The following PIK3R3 variants were observed in gnomAD, a reference collection of about 807,000 sequenced individuals.
PIK3R3 encodes the protein phosphatidylinositol 3-kinase regulatory subunit gamma.
Under a neutral mutation model 62.9 loss-of-function variants are expected in PIK3R3, and 64 were observed. The observed-to-expected ratio is 1.02, with a 90% confidence interval of 0.83 to 1.25. PIK3R3 has a LOEUF of 1.25. Ranked by LOEUF, PIK3R3 falls within the 50% of genes most tolerant of loss-of-function variation. The pLI is 0.00. For missense variants in PIK3R3, 614 were observed against 561.6 expected (o/e 1.09, Z -0.94); for synonymous variants, 165 against 189.0 (o/e 0.87, Z 1.04).
intron 1 of PIK3R3, among the ~76,000 whole-genome samples, chr1:46,106,720 C>G (rs1653241426): frequency 1.3e-5 from 2 of 152,268 alleles, no homozygotes; most frequent in African/African-American, 4.8e-5. Flanking sequence ...AATGATACCC[C>G]AGGGATCAGC....
the PIK3R3 span, among the ~76,000 whole-genome samples, chr1:46,154,064 A>G: frequency 6.6e-6 from 1 of 152,246 alleles, no homozygotes; most frequent in African/African-American, 2.4e-5. Context: ...CAAACAAGAC[A>G]GAAGTTTGTT....
rs1650490154 is a variant in PIK3R3 at position 46,080,625 on chromosome 1, A to C, written c.215+17T>G. On this transcript the variant is annotated intron_variant, in intron 2 of 9. Coordinates refer to ENST00000262741, the MANE Select transcript of PIK3R3 (RefSeq NM_003629.4). ...TTTTTAAAAAACTGCATTCAATTAC[A>C]GTAGCATTCTAGTTACCTTGAAATA... The C allele has an allele frequency of 1.4e-6, 2 of 1,470,522 alleles. No homozygotes were observed. Among genetic ancestry groups the C allele is most frequent in the Non-Finnish European group, 1.9e-6 (2 of 1,055,034 alleles). The allele number at this position is 1,470,522 out of a possible 1,614,324, so 91.1% of individuals were successfully genotyped here.
intron 1 of PIK3R3, among the ~76,000 whole-genome samples, chr1:46,127,562 T>C (rs1571573779): frequency 6.6e-6 from 1 of 152,268 alleles, no homozygotes. Flanking sequence ...TTATAATCAG[T>C]TGTGTATAGG....
At position 46,061,883 on chromosome 1, in the gene PIK3R3, G is replaced by T. The variant is rs373821658; in HGVS notation, c.764+46C>A. ...AGACAGAAATTATTGGGGAAGAAAA[G>T]AAATCCTGTCTCACTGATGCCCTTG... On this transcript the variant is annotated intron_variant, in intron 6 of 9. Transcript: ENST00000262741. 5.1e-6 allele frequency: 8 copies of T among 1,565,050 alleles called. No homozygotes were observed. In the South Asian group the frequency reaches 7.9e-5, roughly 15 times the overall value.
At chr1:46,115,812 T>C (rs1344537535) in intron 1 of PIK3R3, among the ~76,000 whole-genome samples, 2 of 152,250 alleles carry the variant, frequency 1.3e-5, no homozygotes, top group African/African-American at 4.8e-5. Flanking sequence ...ATTTGAGTAT[T>C]CATAGCTTCT....
intron 2 of PIK3R3, among the ~76,000 whole-genome samples, chr1:46,078,655 T>A (rs954717852): frequency 1.3e-5 from 2 of 152,110 alleles, no homozygotes; most frequent in African/African-American, 4.8e-5. Flanking sequence ...ATACCCAAAA[T>A]AACTGAAAGC....
chr1:46,094,987 ATAC>A (rs934945585), intron 1 of PIK3R3, among the ~76,000 whole-genome samples: 1 of 152,244 alleles, frequency 6.6e-6, no homozygotes, highest in Non-Finnish European at 1.5e-5. Flanking sequence ...TCATAAAATT[ATAC>A]TACTATTTCT....
chr1:46,129,721 T>C (rs1655414532), intron 1 of PIK3R3, among the ~76,000 whole-genome samples: 1 of 152,156 alleles, frequency 6.6e-6, no homozygotes, highest in South Asian at 2.1e-4. Context: ...TAAAACAAGG[T>C]TGACATTCAC....
intron 7 of PIK3R3, among the ~76,000 whole-genome samples, chr1:46,047,376 T>C (rs1647141963): frequency 6.7e-6 from 1 of 148,812 alleles, no homozygotes; most frequent in Admixed American, 6.8e-5. Context: ...GGGTGGAGGC[T>C]GTAGTGAGCT....
chr1:46,154,827 T>G, the PIK3R3 span, among the ~76,000 whole-genome samples: 2 of 151,586 alleles, frequency 1.3e-5, no homozygotes, highest in African/African-American at 2.4e-5. Flanking sequence ...CCCCAGATCT[T>G]CACTATAACT....
chr1:46,061,882 A>T, intron 6 of PIK3R3, 47 bp downstream of exon 6: 1 of 1,563,328 alleles, frequency 6.4e-7, no homozygotes, highest in Non-Finnish European at 8.8e-7. Context: ...GGGGAAGAAA[A>T]GAAATCCTGT....
intron 1 of PIK3R3, among the ~76,000 whole-genome samples, chr1:46,085,733 CA>C (rs1650990016): frequency 6.6e-6 from 1 of 152,214 alleles, no homozygotes; most frequent in South Asian, 2.1e-4. Context: ...AACTCCTTGA[CA>C]AAGTAGTTCT....
intron 5 of PIK3R3, among the ~76,000 whole-genome samples, chr1:46,064,608 A>C (rs1232160011): frequency 1.3e-5 from 2 of 152,176 alleles, no homozygotes; most frequent in East Asian, 3.8e-4. Context: ...TTTAATGAAT[A>C]TATTTACTAA....
At chr1:46,132,934 G>A, upstream of PIK3R3, 1 of 1,164,706 alleles carries the variant, frequency 8.6e-7, no homozygotes, top group Non-Finnish European at 1.1e-6. Flanking sequence ...TCCGGGCGCT[G>A]GCCGCACTCC....
intron 1 of PIK3R3, among the ~76,000 whole-genome samples, chr1:46,090,340 A>ATTTT (rs1651502947): frequency 6.6e-6 from 1 of 150,696 alleles, no homozygotes. Flanking sequence ...TTATTTATTT[A>ATTTT]TTTATTTTTT....
intron 7 of PIK3R3, among the ~76,000 whole-genome samples, chr1:46,049,655 G>A (rs1647207266): frequency 6.6e-6 from 1 of 152,166 alleles, no homozygotes; most frequent in Non-Finnish European, 1.5e-5. Context: ...CAGTCAAGAG[G>A]GAGGCACAAA....
At chr1:46,144,543 G>C in the PIK3R3 span, among the ~76,000 whole-genome samples, 1 of 152,212 alleles carries the variant, frequency 6.6e-6, no homozygotes, top group Non-Finnish European at 1.5e-5. Context: ...GCCGAGGCGG[G>C]CGAATCGCAA....
At chr1:46,156,912 G>C in the PIK3R3 span, among the ~76,000 whole-genome samples, 1 of 152,168 alleles carries the variant, frequency 6.6e-6, no homozygotes, top group Non-Finnish European at 1.5e-5. Flanking sequence ...AAAATGCTCA[G>C]CTGGGCTATT....
intron 1 of PIK3R3, among the ~76,000 whole-genome samples, chr1:46,124,796 CAAAA>C (rs55985922): frequency 1.3e-4 from 14 of 108,336 alleles, no homozygotes; most frequent in Non-Finnish European, 1.7e-4. Context: ...AACTCTTTTT[CAAAA>C]AAAAAAAAAA....
Sources: allele counts gnomAD v4.1 joint callset (sites outside exome capture counted in the v4.1 genomes callset), GRCh38; gene constraint gnomAD v4.1.1; transcripts MANE v1.5; gene names NCBI Gene and HGNC (gene_info 2026-07-23, HGNC 2026-07-21).